RORA: variants seen among roughly 807,000 people sequenced by gnomAD.
RORA encodes nuclear receptor ROR-alpha.
Under a neutral mutation model 69.5 loss-of-function variants are expected in RORA, and 7 were observed. That is an observed-to-expected ratio of 0.10 (90% CI 0.06 to 0.19). RORA has a LOEUF of 0.19. RORA is among the 10% of genes least tolerant of loss of function. The pLI, the probability that RORA is intolerant of heterozygous loss-of-function variation, is 1.00. For missense variants in RORA, 457 were observed against 663.0 expected, an observed-to-expected ratio of 0.69 and a Z score of 3.41; for synonymous variants, 261 against 240.8, an observed-to-expected ratio of 1.08 and a Z score of -0.78.
At chr15:60,752,874 C>A (rs1262080498) in intron 1 of RORA, among the ~76,000 whole-genome samples, 3 of 152,290 alleles carry the variant, frequency 2.0e-5, no homozygotes, top group South Asian at 4.1e-4. Flanking sequence ...AGATTAGATT[C>A]ATTTTCCTGG....
chr15:60,566,383 T>G (rs1567092343), intron 2 of RORA, among the ~76,000 whole-genome samples: 1 of 152,228 alleles, frequency 6.6e-6, no homozygotes, highest in Non-Finnish European at 1.5e-5. Flanking sequence ...TTTAATTTTT[T>G]TTGAAAACTT....
chr15:60,601,530 C>T (rs1194329397), intron 2 of RORA, among the ~76,000 whole-genome samples: 1 of 152,082 alleles, frequency 6.6e-6, no homozygotes, highest in Non-Finnish European at 1.5e-5. Context: ...GCTGACGTTC[C>T]TAAAAGACTC....
intron 1 of RORA, among the ~76,000 whole-genome samples, chr15:61,091,811 T>A (rs1344915535): frequency 6.6e-6 from 1 of 152,212 alleles, no homozygotes; most frequent in Non-Finnish European, 1.5e-5. Flanking sequence ...TTGTGTGTAT[T>A]CATAGGCAAG....
intron 1 of RORA, among the ~76,000 whole-genome samples, chr15:60,810,328 C>T (rs1433129046): frequency 6.6e-6 from 1 of 152,158 alleles, no homozygotes. Context: ...AGACATCTAA[C>T]ATGGGTCTAA....
intron 1 of RORA, among the ~76,000 whole-genome samples, chr15:60,816,146 C>T (rs1384794893): frequency 9.2e-6 from 1 of 108,316 alleles, no homozygotes; most frequent in African/African-American, 3.6e-5. Flanking sequence ...ATACTGTAAA[C>T]AGTATATGTA....
At chr15:60,919,565 A>G (rs1891981574) in intron 1 of RORA, among the ~76,000 whole-genome samples, 1 of 152,086 alleles carries the variant, frequency 6.6e-6, no homozygotes, top group Admixed American at 6.5e-5. Flanking sequence ...TTAAATACAT[A>G]TTTTTTACCT....
chr15:61,067,468 G>A (rs1214101418), intron 1 of RORA, among the ~76,000 whole-genome samples: 1 of 152,046 alleles, frequency 6.6e-6, no homozygotes. Context: ...CTCTAATGAT[G>A]TTGTCGACAA....
At chr15:60,526,930 A>G (rs1181466126) in intron 3 of RORA, among the ~76,000 whole-genome samples, 1 of 152,250 alleles carries the variant, frequency 6.6e-6, no homozygotes, top group Non-Finnish European at 1.5e-5. Flanking sequence ...TGTCACTTAT[A>G]TACTCTAGAT....
chr15:60,632,823 T>G (rs2069766910), intron 2 of RORA, among the ~76,000 whole-genome samples: 1 of 152,060 alleles, frequency 6.6e-6, no homozygotes, highest in Non-Finnish European at 1.5e-5. Flanking sequence ...GAATTAGCCA[T>G]AGACTGATAT....
chr15:60,677,409 G>T, intron 2 of RORA: 1 of 343,368 alleles, frequency 2.9e-6, no homozygotes, highest in Non-Finnish European at 6.0e-6. Flanking sequence ...ACTGTGCATT[G>T]AGAGATGGAG....
chr15:60,674,222 T>C (rs2140741126), intron 2 of RORA, among the ~76,000 whole-genome samples: 1 of 152,156 alleles, frequency 6.6e-6, no homozygotes, highest in East Asian at 1.9e-4. Context: ...TCCTGGACTG[T>C]GAAAACAATG....
chr15:60,836,852 ACT>A (rs1234046191), intron 1 of RORA, among the ~76,000 whole-genome samples: 1 of 150,322 alleles, frequency 6.7e-6, no homozygotes, highest in East Asian at 2.0e-4. Flanking sequence ...TCCCACCTTT[ACT>A]CTCCTAGGTT....
At chr15:60,948,142 T>G (rs1422114449) in intron 1 of RORA, among the ~76,000 whole-genome samples, 1 of 151,918 alleles carries the variant, frequency 6.6e-6, no homozygotes, top group Non-Finnish European at 1.5e-5. Context: ...CCAGATTGCT[T>G]AAAAGACATT....
At chr15:60,553,596 T>C (rs1297433184) in intron 2 of RORA, among the ~76,000 whole-genome samples, 1 of 152,172 alleles carries the variant, frequency 6.6e-6, no homozygotes, top group African/African-American at 2.4e-5. Flanking sequence ...ATGAAGATTA[T>C]TTTGAGCTGA....
chr15:61,156,593 G>A (rs1198801866), intron 1 of RORA, among the ~76,000 whole-genome samples: 1 of 152,140 alleles, frequency 6.6e-6, no homozygotes, highest in Non-Finnish European at 1.5e-5. Context: ...GAGACCCTAG[G>A]AGGTAGAAGC....
chr15:60,808,659 C>G (rs1379243306), intron 1 of RORA, among the ~76,000 whole-genome samples: 1 of 150,218 alleles, frequency 6.7e-6, no homozygotes, highest in Non-Finnish European at 1.5e-5. Flanking sequence ...ATGGAACCAG[C>G]CCAAATGCCC....
intron 2 of RORA, among the ~76,000 whole-genome samples, chr15:60,532,223 T>G (rs117823680): frequency 0.027 from 4,172 of 152,314 alleles, 74 homozygotes; most frequent in South Asian, 0.059. Context: ...AGATCATAAA[T>G]CTGTCTTGGC....
At chr15:60,787,229 C>T (rs747119777) in intron 1 of RORA, among the ~76,000 whole-genome samples, 5 of 152,226 alleles carry the variant, frequency 3.3e-5, no homozygotes, top group Non-Finnish European at 2.9e-5. Flanking sequence ...GCAGCTGCCA[C>T]CAAGCCTGCG....
At chr15:60,640,918 G>A (rs946711973) in intron 2 of RORA, among the ~76,000 whole-genome samples, 4 of 152,114 alleles carry the variant, frequency 2.6e-5, no homozygotes, top group Admixed American at 6.6e-5. Context: ...CCATGAGAAT[G>A]TGAGCTCCAG....
Sources: allele counts gnomAD v4.1 joint callset (sites outside exome capture counted in the v4.1 genomes callset), GRCh38; gene constraint gnomAD v4.1.1; transcripts MANE v1.5; gene names NCBI Gene and HGNC (gene_info 2026-07-23, HGNC 2026-07-21).